The following CLVS2 variants were observed in gnomAD, a reference collection of about 807,000 sequenced individuals.
CLVS2 encodes clavesin-2.
A neutral mutation model predicts 29.0 loss-of-function variants in CLVS2; 19 were observed. That is an observed-to-expected ratio of 0.66 (90% CI 0.46 to 0.96). CLVS2 has a LOEUF of 0.96. Among genes scored for constraint, CLVS2 ranks in the 40% least tolerant of loss-of-function variants. The pLI is 0.00. For missense variants in CLVS2, 294 were observed against 404.1 expected, an observed-to-expected ratio of 0.73 and a Z score of 2.34; for synonymous variants, 161 against 151.3, an observed-to-expected ratio of 1.06 and a Z score of -0.47.
At chr6:122,998,892 TGTCAGTTG>T (rs61007109) in intron 2 of CLVS2, among the ~76,000 whole-genome samples, 38,158 of 151,852 alleles carry the variant, frequency 0.25, 5,094 homozygotes, top group Non-Finnish European at 0.31. Context: ...TATTCAGATG[TGTCAGTTG>T]GTGGACTTTT....
intron 2 of CLVS2, among the ~76,000 whole-genome samples, chr6:123,007,248 T>C (rs1028773427): frequency 1.3e-5 from 2 of 152,150 alleles, no homozygotes; most frequent in East Asian, 3.8e-4. Flanking sequence ...GTGCTACCCA[T>C]TGGGCTAAGT....
intron 3 of CLVS2, among the ~76,000 whole-genome samples, chr6:123,012,077 C>G (rs903659034): frequency 6.6e-6 from 1 of 151,914 alleles, no homozygotes; most frequent in Non-Finnish European, 1.5e-5. Flanking sequence ...ATTTCTGCCT[C>G]TGGACTGAAT....
chr6:123,032,426 T>C (rs1160296602), intron 3 of CLVS2, among the ~76,000 whole-genome samples: 2 of 152,098 alleles, frequency 1.3e-5, no homozygotes, highest in East Asian at 3.8e-4. Context: ...ATCAAAGGCA[T>C]TCTGGTAAAA....
At chr6:123,050,994 G>A (rs1429914283) in intron 4 of CLVS2, among the ~76,000 whole-genome samples, 1 of 151,962 alleles carries the variant, frequency 6.6e-6, no homozygotes, top group African/African-American at 2.4e-5. Context: ...AAAATTATAT[G>A]ACTTGGAAAT....
intron 3 of CLVS2, among the ~76,000 whole-genome samples, chr6:123,013,907 AAT>A (rs753039575): frequency 6.6e-6 from 1 of 151,128 alleles, no homozygotes; most frequent in Non-Finnish European, 1.5e-5. Context: ...GAGAACATGC[AAT>A]GTTTGGTTTT....
In CLVS2 at chr6:123,066,077, G is replaced by A. The variant is rs1333712428; in HGVS notation, c.*2316G>A. ...TTAAAATGAATGAACAAATTACAATGATGATGCCTTTTGAAATTACCATAT... is the reference window on the plus strand; with the variant it reads ...TTAAAATGAATGAACAAATTACAATAATGATGCCTTTTGAAATTACCATAT... On this transcript the variant is annotated 3_prime_UTR_variant, in exon 6 of 6. Transcript: ENST00000275162. 1 of 151,670 alleles carries A rather than the reference G, an allele frequency of 6.6e-6. No individual in the cohort carries two copies. The highest frequency in any genetic ancestry group is 1.5e-5 in the Non-Finnish European group (1 of 67,716). The allele number at this position is 151,670 out of a possible 1,614,324, so 9.4% of individuals were successfully genotyped here.
chr6:123,003,635 G>T (rs891509391), intron 2 of CLVS2, among the ~76,000 whole-genome samples: 4 of 152,060 alleles, frequency 2.6e-5, no homozygotes, highest in African/African-American at 9.7e-5. Flanking sequence ...TAGGTACTGG[G>T]GGCAAATAAA....
chr6:123,053,071 G>T (rs1772639690), intron 4 of CLVS2, among the ~76,000 whole-genome samples: 1 of 134,148 alleles, frequency 7.5e-6, no homozygotes, highest in Non-Finnish European at 1.6e-5. Flanking sequence ...ATCAGGCCAG[G>T]CGCAGTGGCT....
intron 3 of CLVS2, among the ~76,000 whole-genome samples, chr6:123,040,189 G>A (rs1043537928): frequency 2.1e-4 from 32 of 152,192 alleles, no homozygotes; most frequent in African/African-American, 7.7e-4. Flanking sequence ...CTCAGATTTT[G>A]AGATAGCCTA....
At chr6:123,036,885 AATC>A (rs1775161758) in intron 3 of CLVS2, among the ~76,000 whole-genome samples, 1 of 152,114 alleles carries the variant, frequency 6.6e-6, no homozygotes, top group Non-Finnish European at 1.5e-5. Flanking sequence ...AGTGATTGGA[AATC>A]ATCACTCTGG....
chr6:123,026,090 T>G (rs1212149499), intron 3 of CLVS2, among the ~76,000 whole-genome samples: 1 of 152,120 alleles, frequency 6.6e-6, no homozygotes, highest in African/African-American at 2.4e-5. Flanking sequence ...AAGGATGATC[T>G]TTCCATGTTA....
At chr6:123,006,059 G>T (rs966296711) in intron 2 of CLVS2, among the ~76,000 whole-genome samples, 7 of 152,180 alleles carry the variant, frequency 4.6e-5, no homozygotes, top group African/African-American at 1.7e-4. Flanking sequence ...TATGTCTGGG[G>T]CCATAGAACA....
chr6:123,051,098 T>C (rs539737171), intron 4 of CLVS2, among the ~76,000 whole-genome samples: 4 of 152,152 alleles, frequency 2.6e-5, no homozygotes, highest in Non-Finnish European at 5.9e-5. Context: ...TCTTCACTGA[T>C]ATTCCAAGTG....
intron 2 of CLVS2, among the ~76,000 whole-genome samples, chr6:123,008,110 T>C (rs181572619): frequency 1.3e-5 from 2 of 152,224 alleles, no homozygotes; most frequent in East Asian, 3.9e-4. Context: ...ATGTGAGATG[T>C]TTGACAACAG....
intron 3 of CLVS2, among the ~76,000 whole-genome samples, chr6:123,031,820 C>G (rs549396562): frequency 6.6e-6 from 1 of 151,222 alleles, no homozygotes; most frequent in Admixed American, 6.6e-5. Flanking sequence ...TTGCCTTAGC[C>G]TCATTATGAG....
At chr6:123,010,352 G>T (rs994687673) in intron 2 of CLVS2, among the ~76,000 whole-genome samples, 2 of 151,908 alleles carry the variant, frequency 1.3e-5, no homozygotes, top group Admixed American at 6.6e-5. Context: ...GTGAAAAGCA[G>T]AAAACAAAAC....
At chr6:122,999,636 C>G (rs1000787748) in intron 2 of CLVS2, among the ~76,000 whole-genome samples, 1 of 152,074 alleles carries the variant, frequency 6.6e-6, no homozygotes, top group Admixed American at 6.5e-5. Context: ...TAGGATCATG[C>G]AAATCAATGA....
intron 3 of CLVS2, among the ~76,000 whole-genome samples, chr6:123,035,877 G>A (rs1223707820): frequency 1.3e-5 from 2 of 152,112 alleles, no homozygotes; most frequent in African/African-American, 4.8e-5. Flanking sequence ...CAGAAGATCT[G>A]TTCTTCCTAG....
chr6:123,052,091 C>A (rs1772618848), intron 4 of CLVS2, among the ~76,000 whole-genome samples: 1 of 115,120 alleles, frequency 8.7e-6, no homozygotes, highest in African/African-American at 2.7e-5. Context: ...TAATGAATTG[C>A]CAAGACAATA....
Sources: allele counts gnomAD v4.1 joint callset (sites outside exome capture counted in the v4.1 genomes callset), GRCh38; gene constraint gnomAD v4.1.1; transcripts MANE v1.5; gene names NCBI Gene and HGNC (gene_info 2026-07-23, HGNC 2026-07-21).